ADGRB3: variants seen among roughly 807,000 people sequenced by gnomAD.
The protein encoded by ADGRB3 is adhesion G protein-coupled receptor B3, also known as brain-specific angiogenesis inhibitor 3.
In ADGRB3, 37 loss-of-function variants were observed where a neutral mutation model predicts 193.4. The ratio of observed to expected loss-of-function variants is 0.19; its 90% CI spans 0.15 to 0.25. The LOEUF (loss-of-function observed/expected upper bound fraction) is 0.25. ADGRB3 is among the 10% of genes least tolerant of loss of function. ADGRB3 has a pLI of 1.00. For synonymous variants in ADGRB3, 690 were observed against 644.2 expected (o/e 1.07, Z -1.08); for missense variants, 1,637 against 1,852.9 (o/e 0.88, Z 2.14).
At chr6:69,344,258 C>G (rs1024950601) in intron 26 of ADGRB3, among the ~76,000 whole-genome samples, 7 of 152,210 alleles carry the variant, frequency 4.6e-5, no homozygotes, top group Non-Finnish European at 7.3e-5. Flanking sequence ...CCAAGCTCCT[C>G]TTTTCTCTTT....
At chr6:68,664,909 T>A (rs532154637) in intron 3 of ADGRB3, among the ~76,000 whole-genome samples, 1 of 151,772 alleles carries the variant, frequency 6.6e-6, no homozygotes, top group Non-Finnish European at 1.5e-5. Flanking sequence ...TGCAGCAGCT[T>A]CCATCAGAGT....
intron 3 of ADGRB3, among the ~76,000 whole-genome samples, chr6:68,818,688 A>T (rs1767684691): frequency 6.6e-6 from 1 of 152,090 alleles, no homozygotes; most frequent in Non-Finnish European, 1.5e-5. Flanking sequence ...TGCAGCTCTA[A>T]TTATGTACAG....
intron 17 of ADGRB3, among the ~76,000 whole-genome samples, chr6:69,131,355 T>G (rs988561768): frequency 9.2e-5 from 14 of 152,188 alleles, no homozygotes; most frequent in African/African-American, 3.4e-4. Flanking sequence ...GTAATTTCAA[T>G]GAGTACAGTT....
At chr6:69,275,425 C>A (rs1442610694) in intron 20 of ADGRB3, among the ~76,000 whole-genome samples, 1 of 151,866 alleles carries the variant, frequency 6.6e-6, no homozygotes, top group Non-Finnish European at 1.5e-5. Flanking sequence ...AACTGTGATT[C>A]CTCATTGGCC....
chr6:68,661,124 A>T (rs1342770973), intron 3 of ADGRB3, among the ~76,000 whole-genome samples: 1 of 150,234 alleles, frequency 6.7e-6, no homozygotes, highest in African/African-American at 2.4e-5. Context: ...GTATAGTATT[A>T]CATGAGATAG....
chr6:69,154,057 A>T (rs1469213162), intron 17 of ADGRB3, among the ~76,000 whole-genome samples: 1 of 152,174 alleles, frequency 6.6e-6, no homozygotes, highest in African/African-American at 2.4e-5. Flanking sequence ...AAATGAGTTG[A>T]AATGATGCAA....
At chr6:69,101,094 C>A (rs536209185) in intron 17 of ADGRB3, among the ~76,000 whole-genome samples, 1 of 151,872 alleles carries the variant, frequency 6.6e-6, no homozygotes, top group African/African-American at 2.4e-5. Flanking sequence ...TTATGTCCTA[C>A]ATTTTCCCCA....
chr6:68,846,259 G>A (rs1198213357), intron 3 of ADGRB3, among the ~76,000 whole-genome samples: 1 of 152,182 alleles, frequency 6.6e-6, no homozygotes, highest in Non-Finnish European at 1.5e-5. Flanking sequence ...TATAAGGGAA[G>A]TAGAGCATAA....
At chr6:69,128,762 G>T (rs9294822) in intron 17 of ADGRB3, among the ~76,000 whole-genome samples, 1 of 151,982 alleles carries the variant, frequency 6.6e-6, no homozygotes, top group African/African-American at 2.4e-5. Flanking sequence ...AAGGAACTTG[G>T]TTATTCCAGT....
At chr6:69,281,990 G>T (rs1767447215) in intron 20 of ADGRB3, among the ~76,000 whole-genome samples, 1 of 152,050 alleles carries the variant, frequency 6.6e-6, no homozygotes, top group African/African-American at 2.4e-5. Flanking sequence ...ATCTCTCAAG[G>T]TAATTGACTA....
At chr6:68,769,665 T>A (rs1766577696) in intron 3 of ADGRB3, among the ~76,000 whole-genome samples, 1 of 152,156 alleles carries the variant, frequency 6.6e-6, no homozygotes, top group African/African-American at 2.4e-5. Flanking sequence ...TCTGCACACA[T>A]ATCCCAAAAC....
intron 3 of ADGRB3, among the ~76,000 whole-genome samples, chr6:68,851,625 A>T (rs1005181443): frequency 6.6e-6 from 1 of 151,894 alleles, no homozygotes; most frequent in Non-Finnish European, 1.5e-5. Flanking sequence ...ACTACAAATT[A>T]TAAATATCAA....
chr6:69,110,254 CTAT>C (rs1773333237), intron 17 of ADGRB3, among the ~76,000 whole-genome samples: 1 of 151,982 alleles, frequency 6.6e-6, no homozygotes, highest in South Asian at 2.1e-4. Context: ...ATCAGATGAA[CTAT>C]TATTATATTT....
intron 3 of ADGRB3, among the ~76,000 whole-genome samples, chr6:68,905,130 C>A (rs1407297291): frequency 3.3e-5 from 5 of 152,068 alleles, no homozygotes; most frequent in Non-Finnish European, 1.5e-5. Flanking sequence ...TATTATCTGG[C>A]CAATATGTAG....
chr6:68,804,022 A>T lies in ADGRB3; in HGVS notation c.758-126537A>T, dbSNP rs145065313. On this transcript the variant is annotated intron_variant, in intron 3 of 31. Transcript: ENST00000370598. ...ATCCAGTACCTTCTCCACTTTTTTG[A>T]CTGATTGCCTGTTTCCTAGGAGCTC... Among the ~76,000 whole-genome samples the T allele has an allele frequency of 7.5e-4, 114 of 152,192 alleles. 2 individuals are homozygous for T. In the East Asian group the frequency reaches 0.021, roughly 29 times the overall value.
At chr6:68,727,608 G>T (rs4535510) in intron 3 of ADGRB3, among the ~76,000 whole-genome samples, 2 of 151,362 alleles carry the variant, frequency 1.3e-5, no homozygotes, top group South Asian at 4.2e-4. Context: ...TCACTCTTTA[G>T]ACTAAAAAAA....
At chr6:69,231,195 A>G (rs779464) in intron 17 of ADGRB3, among the ~76,000 whole-genome samples, 22,938 of 152,250 alleles carry the variant, frequency 0.15, 1,920 homozygotes, top group Non-Finnish European at 0.18. Context: ...GAATCTAGCA[A>G]CATGATATTG....
intron 3 of ADGRB3, among the ~76,000 whole-genome samples, chr6:68,886,514 G>C (rs1765911900): frequency 6.6e-6 from 1 of 151,956 alleles, no homozygotes; most frequent in Non-Finnish European, 1.5e-5. Flanking sequence ...CAATATCATA[G>C]ATACACCTAA....
chr6:69,160,228 G>GT lies in ADGRB3; in HGVS notation c.2481-73061dup, dbSNP rs549336270. ...TTTTCTCTGTTCAACACCCTTCCAT[G>GT]TCTTCCCATCCCATGCAGAGAAAAA... On this transcript the variant is annotated intron_variant, in intron 17 of 31. Transcript: ENST00000370598. 2.6e-3 allele frequency among the ~76,000 whole-genome samples: 399 copies of GT among 152,154 alleles called. 2 individuals are homozygous for GT. Among genetic ancestry groups the GT allele is most frequent in the African/African-American group, 9.1e-3 (377 of 41,518 alleles).
Sources: allele counts gnomAD v4.1 joint callset (sites outside exome capture counted in the v4.1 genomes callset), GRCh38; gene constraint gnomAD v4.1.1; transcripts MANE v1.5; gene names NCBI Gene and HGNC (gene_info 2026-07-23, HGNC 2026-07-21).